The following SIMC1 variants were observed in gnomAD, a reference collection of about 807,000 sequenced individuals.
SIMC1 encodes the protein SUMO interacting motifs containing 1, also known as SUMO-interacting motif-containing protein 1.
A neutral mutation model predicts 82.3 loss-of-function variants in SIMC1; 55 were observed. The observed-to-expected ratio is 0.67, with a 90% CI of 0.54 to 0.84. The LOEUF is 0.84. SIMC1 is among the 40% of genes least tolerant of loss of function. The probability of loss-of-function intolerance (pLI) is 0.00; values close to 1 mark genes in which losing one functional copy is unlikely to be tolerated. For missense variants in SIMC1, 915 were observed against 1,107.2 expected (o/e 0.83, Z 2.46); for synonymous variants, 353 against 426.3 (o/e 0.83, Z 2.12).
chr5:176,255,715 T>A (rs1469107707), intron 1 of SIMC1, among the ~76,000 whole-genome samples: 6 of 110,094 alleles, frequency 5.4e-5, no homozygotes, highest in Non-Finnish European at 8.0e-5. Flanking sequence ...AAAAAATGAG[T>A]ACTCCTAAAA....
chr5:176,273,901 T>C (rs1245391749), intron 1 of SIMC1, among the ~76,000 whole-genome samples: 2 of 151,994 alleles, frequency 1.3e-5, no homozygotes, highest in African/African-American at 4.8e-5. Context: ...ATCCAGTCTA[T>C]CATTGTTGGA....
At chr5:176,291,309 G>A (rs1374575590) in intron 2 of SIMC1, among the ~76,000 whole-genome samples, 4 of 149,114 alleles carry the variant, frequency 2.7e-5, no homozygotes, top group East Asian at 2.0e-4. Context: ...GACTACAGGC[G>A]CATGCCGCCA....
chr5:176,297,524 A>C (rs1763871835), intron 4 of SIMC1, among the ~76,000 whole-genome samples: 1 of 151,678 alleles, frequency 6.6e-6, no homozygotes, highest in Admixed American at 6.6e-5. Flanking sequence ...AAAAAAAAAA[A>C]AAACGTTGAA....
chr5:176,248,665 G>A (rs1171490179), intron 1 of SIMC1, among the ~76,000 whole-genome samples: 2 of 152,072 alleles, frequency 1.3e-5, no homozygotes, highest in African/African-American at 4.8e-5. Flanking sequence ...GGTGAGAGAG[G>A]GCATCCTTGT....
chr5:176,322,151 G>A, intron 5 of SIMC1, 122 bp from the exon 6 acceptor site: 1 of 1,179,460 alleles, frequency 8.5e-7, no homozygotes, highest in Admixed American at 2.9e-5. Context: ...TGGGGGCCCA[G>A]GTTAAGGCTA....
chr5:176,251,127 C>T (rs149816039), intron 1 of SIMC1, among the ~76,000 whole-genome samples: 106 of 152,156 alleles, frequency 7.0e-4, no homozygotes, highest in African/African-American at 2.4e-3. Flanking sequence ...TTTGGGAGGC[C>T]GAGGTGGGCA....
intron 1 of SIMC1, among the ~76,000 whole-genome samples, chr5:176,252,663 G>A (rs1473776221): frequency 7.3e-5 from 11 of 151,394 alleles, no homozygotes; most frequent in Admixed American, 4.6e-4. Flanking sequence ...AGACTGGGCA[G>A]CCAGGCAGAG....
rs762207187 is a variant in SIMC1, at chr5:176,290,939, A to T, written c.1415A>T (p.Asp472Val). ...CTCTTCTTTCAGACGCTAATACCGG[A>T]TAAAGACACAAGAGAGGTGAGCTAA... ...HHLFFQTLIP[D>V]KDTRENKGQK... The change falls in exon 2 of 10, where the codon GAT becomes GTT. Residue 472 changes from aspartate (D) to valine (V), a missense_variant. Physicochemically the swap from Asp to Val is radical, Grantham distance 152. Around this residue, in one of 2 missense-constraint regions of SIMC1, gnomAD observed 902 missense variants for 1,040.3 expected, o/e 0.87. Transcript: ENST00000429602. The T allele has an allele frequency of 6.3e-7, 1 of 1,593,858 alleles. No homozygotes were observed. Among genetic ancestry groups the T allele is most frequent in the African/African-American group, 1.3e-5 (1 of 74,670 alleles).
At chr5:176,341,627 A>G (rs1007191480) in intron 9 of SIMC1, among the ~76,000 whole-genome samples, 1 of 152,202 alleles carries the variant, frequency 6.6e-6, no homozygotes, top group Non-Finnish European at 1.5e-5. Flanking sequence ...TAACTTTGAC[A>G]GGGCTCTTAA....
At chr5:176,323,203 T>C (rs1011021116) in intron 6 of SIMC1, among the ~76,000 whole-genome samples, 1 of 152,156 alleles carries the variant, frequency 6.6e-6, no homozygotes, top group African/African-American at 2.4e-5. Flanking sequence ...CAATTTTATA[T>C]CTAAAGGGGA....
At chr5:176,268,096 A>G (rs969297343) in intron 1 of SIMC1, among the ~76,000 whole-genome samples, 1 of 137,876 alleles carries the variant, frequency 7.3e-6, no homozygotes, top group Non-Finnish European at 1.6e-5. Flanking sequence ...AGTACACTGG[A>G]ATAAATTGAA....
chr5:176,274,496 G>A (rs1762593045), intron 1 of SIMC1, among the ~76,000 whole-genome samples: 1 of 151,716 alleles, frequency 6.6e-6, no homozygotes, highest in Non-Finnish European at 1.5e-5. Flanking sequence ...CTGTGCAGAA[G>A]CTCTTTAGTT....
chr5:176,295,177 C>G lies in SIMC1; in HGVS notation c.1579C>G (p.His527Asp). 6.2e-7 allele frequency: 1 copy of G among 1,613,486 alleles called. No individual in the cohort carries two copies. The highest frequency in any genetic ancestry group is 8.5e-7 in the Non-Finnish European group (1 of 1,179,670). The stretch of plus-strand genomic sequence containing the variant: ...TTACCCACCAAGAGAAATCGTGGCT[C>G]ACATCATCCAGAAAATCTTGCTCAG... The part of the protein sequence containing the change: ...QHYPPREIVA[H>D]IIQKILLSGS... Residue 527 changes from histidine to aspartate, a missense_variant, in exon 3 of 10, where the codon CAC becomes GAC. By Grantham distance (81) the His-to-Asp change is moderately conservative. This residue lies in a region of SIMC1 where 902 missense variants were observed against 1,040.3 expected (regional missense o/e 0.87). Coordinates refer to ENST00000429602, the MANE Select transcript of SIMC1 (RefSeq NM_001308195.2).
chr5:176,268,262 G>A (rs960311815), intron 1 of SIMC1, among the ~76,000 whole-genome samples: 1 of 98,826 alleles, frequency 1.0e-5, no homozygotes, highest in African/African-American at 4.1e-5. Context: ...ATAATGGATA[G>A]AAGAAATAGG....
At chr5:176,297,699 T>C (rs535937847) in intron 4 of SIMC1, among the ~76,000 whole-genome samples, 2 of 152,278 alleles carry the variant, frequency 1.3e-5, no homozygotes, top group South Asian at 2.1e-4. Context: ...CTTAGAATTC[T>C]GTACTTAGCC....
At chr5:176,243,119 T>C (rs560155209) in intron 1 of SIMC1, among the ~76,000 whole-genome samples, 1 of 152,214 alleles carries the variant, frequency 6.6e-6, no homozygotes, top group African/African-American at 2.4e-5. Flanking sequence ...TGTGGAAAGA[T>C]AGGCAGTAAA....
At chr5:176,335,016 G>C (rs995712638) in intron 7 of SIMC1, among the ~76,000 whole-genome samples, 3 of 151,646 alleles carry the variant, frequency 2.0e-5, no homozygotes, top group South Asian at 2.1e-4. Flanking sequence ...GCTTGAACCC[G>C]GGGGGTGGGG....
rs141683508 is a variant in SIMC1 at position 176,327,789 on chromosome 5, G to A, written c.2171+3032G>A. ...TCCATTTCTAGTGTATTATTTTTAC[G>A]AAGAATAAGTATTGAAATTTGCCAA... On this transcript the variant is annotated intron_variant, in intron 7 of 9. Transcript: ENST00000429602. 3.1e-3 allele frequency among the ~76,000 whole-genome samples: 477 copies of A among 152,236 alleles called. 2 individuals are homozygous for A. The highest frequency in any genetic ancestry group is 0.01 in the Middle Eastern group (3 of 294).
At chr5:176,268,091 A>G (rs1021753968) in intron 1 of SIMC1, among the ~76,000 whole-genome samples, 3 of 140,472 alleles carry the variant, frequency 2.1e-5, no homozygotes, top group African/African-American at 7.9e-5. Flanking sequence ...TCTAAAGTAC[A>G]CTGGAATAAA....
Sources: gnomAD v4.1 joint callset for allele counts (sites outside exome capture counted in the v4.1 genomes callset) on GRCh38, gnomAD v4.1.1 for gene constraint, gnomAD v4.1.1 regional missense constraint, MANE v1.5 for transcripts, NCBI Gene and HGNC (gene_info 2026-07-23, HGNC 2026-07-21) for gene names.